The following CENPW variants were observed in gnomAD, a reference collection of about 807,000 sequenced individuals.
The protein encoded by CENPW is centromere protein W, also known as cancer-up-regulated gene 2 protein.
CENPW carries 3 observed loss-of-function variants against 11.1 expected under a neutral mutation model. That is an observed-to-expected ratio of 0.27 (90% CI 0.12 to 0.70). CENPW has a LOEUF of 0.70. CENPW is among the 30% of genes least tolerant of loss of function. The pLI is 0.77. For missense variants in CENPW, 100 were observed against 105.6 expected, an observed-to-expected ratio of 0.95 and a Z score of 0.23; for synonymous variants, 38 against 42.0, an observed-to-expected ratio of 0.91 and a Z score of 0.37.
chr6:126,363,491 G>A, the CENPW span, among the ~76,000 whole-genome samples: 1 of 152,112 alleles, frequency 6.6e-6, no homozygotes, highest in Non-Finnish European at 1.5e-5. Context: ...TAACTATATA[G>A]CACCTCTTTA....
chr6:126,431,999 A>G, the CENPW span, among the ~76,000 whole-genome samples: 1 of 130,032 alleles, frequency 7.7e-6, no homozygotes, highest in African/African-American at 2.9e-5. Context: ...CAGAAGGTGG[A>G]GGTTGTGGTG....
At chr6:126,449,535 C>A in the CENPW span, among the ~76,000 whole-genome samples, 1 of 151,136 alleles carries the variant, frequency 6.6e-6, no homozygotes, top group African/African-American at 2.4e-5. Context: ...ACTCAGAGCT[C>A]AAATCTTAAG....
the CENPW span, among the ~76,000 whole-genome samples, chr6:126,419,207 G>A: frequency 6.6e-6 from 1 of 152,162 alleles, no homozygotes; most frequent in Non-Finnish European, 1.5e-5. Context: ...AGGATGAGAA[G>A]GAATATATTT....
the CENPW span, among the ~76,000 whole-genome samples, chr6:126,438,021 CT>C: frequency 3.6e-4 from 53 of 147,708 alleles, no homozygotes; most frequent in African/African-American, 6.2e-4. Flanking sequence ...GGGAGATTGG[CT>C]TTTTTTTTTC....
chr6:126,413,591 C>T, the CENPW span, among the ~76,000 whole-genome samples: 1 of 151,802 alleles, frequency 6.6e-6, no homozygotes, highest in Non-Finnish European at 1.5e-5. Context: ...CAAAGTAGCC[C>T]TGTATCTAGA....
At chr6:126,392,489 A>C in the CENPW span, among the ~76,000 whole-genome samples, 1 of 151,872 alleles carries the variant, frequency 6.6e-6, no homozygotes, top group Non-Finnish European at 1.5e-5. Flanking sequence ...TTCTGTACCC[A>C]ATTTTTTGAG....
intron 2 of CENPW, among the ~76,000 whole-genome samples, chr6:126,347,746 C>T (rs1054177917): frequency 2.6e-5 from 4 of 151,686 alleles, no homozygotes; most frequent in East Asian, 1.9e-4. Context: ...AGAATATACA[C>T]GTGTTTTTTA....
chr6:126,411,083 C>T, the CENPW span, among the ~76,000 whole-genome samples: 1 of 151,980 alleles, frequency 6.6e-6, no homozygotes, highest in Non-Finnish European at 1.5e-5. Context: ...GTATTGATGC[C>T]TGCATCAGGT....
intron 1 of CENPW, among the ~76,000 whole-genome samples, chr6:126,342,165 A>G (rs538426356): frequency 1.6e-4 from 24 of 152,322 alleles, no homozygotes; most frequent in Admixed American, 9.8e-4. Context: ...TTAGCATTAA[A>G]CTACACCTGA....
At chr6:126,394,149 G>A in the CENPW span, among the ~76,000 whole-genome samples, 1 of 151,868 alleles carries the variant, frequency 6.6e-6, no homozygotes, top group African/African-American at 2.4e-5. Flanking sequence ...GATAAGTAAG[G>A]ACTTACTGTG....
rs1182115835 is a variant in CENPW, at chr6:126,348,507, A to T, written c.*15A>T. ...GCAGAGGTTAGAAGTCAAAGAACATATTCTTGAAAGTTATGATGCATTCTT... is the reference window on the plus strand; with the variant it reads ...GCAGAGGTTAGAAGTCAAAGAACATTTTCTTGAAAGTTATGATGCATTCTT... On this transcript the variant is annotated 3_prime_UTR_variant, in exon 3 of 3. Transcript: ENST00000368328. 6.9e-7 allele frequency: 1 copy of T among 1,441,036 alleles called. No homozygotes were observed. The highest frequency in any genetic ancestry group is 2.3e-5 in the East Asian group (1 of 43,680). The allele number at this position is 1,441,036 out of a possible 1,614,324, so 89.3% of individuals were successfully genotyped here.
At chr6:126,340,454 A>G (rs1780281039) in intron 1 of CENPW, 55 bp downstream of exon 1, 3 of 1,613,752 alleles carry the variant, frequency 1.9e-6, no homozygotes, top group African/African-American at 1.3e-5. Context: ...GGTAAGGGCA[A>G]TAACCTTAAG....
chr6:126,451,116 G>A, the CENPW span, among the ~76,000 whole-genome samples: 1 of 150,594 alleles, frequency 6.6e-6, no homozygotes. Flanking sequence ...ACTTTGAATG[G>A]GATTAATATT....
chr6:126,357,400 T>C, the CENPW span, among the ~76,000 whole-genome samples: 1 of 152,144 alleles, frequency 6.6e-6, no homozygotes, highest in Non-Finnish European at 1.5e-5. Context: ...TAGGGTTGCT[T>C]TGGCTGTTTG....
the CENPW span, among the ~76,000 whole-genome samples, chr6:126,468,793 C>T: frequency 6.6e-6 from 1 of 152,026 alleles, no homozygotes; most frequent in African/African-American, 2.4e-5. Context: ...TAAATTGTTG[C>T]TAAAAATGTG....
the CENPW span, among the ~76,000 whole-genome samples, chr6:126,376,286 T>A: frequency 6.6e-6 from 1 of 152,178 alleles, no homozygotes; most frequent in South Asian, 2.1e-4. Context: ...ATGTTTATCT[T>A]CCTAATAGTC....
At chr6:126,467,045 T>C in the CENPW span, among the ~76,000 whole-genome samples, 1 of 152,174 alleles carries the variant, frequency 6.6e-6, no homozygotes, top group Non-Finnish European at 1.5e-5. Context: ...GAAGAATTAA[T>C]ATCATTAAAA....
chr6:126,394,213 A>ATT, the CENPW span, among the ~76,000 whole-genome samples: 7 of 149,394 alleles, frequency 4.7e-5, no homozygotes, highest in South Asian at 1.1e-3. Context: ...TCCTTCTTTT[A>ATT]TTTTTTTTCT....
chr6:126,386,115 AC>A, the CENPW span, among the ~76,000 whole-genome samples: 1 of 152,064 alleles, frequency 6.6e-6, no homozygotes, highest in African/African-American at 2.4e-5. Context: ...GTTATTTCAA[AC>A]CATTCTGTAC....
Sources: gnomAD v4.1 joint callset for allele counts (sites outside exome capture counted in the v4.1 genomes callset) on GRCh38, gnomAD v4.1.1 for gene constraint, MANE v1.5 for transcripts, NCBI Gene and HGNC (gene_info 2026-07-23, HGNC 2026-07-21) for gene names.